The following DCT variants were observed in gnomAD, a reference collection of about 807,000 sequenced individuals.
DCT encodes the protein L-dopachrome tautomerase.
DCT carries 47 observed loss-of-function variants against 53.0 expected under a neutral mutation model. That is an observed-to-expected ratio of 0.89 (90% CI 0.70 to 1.13). The LOEUF (loss-of-function observed/expected upper bound fraction) is 1.13. Ranked by LOEUF, DCT falls within the 50% of genes most tolerant of loss-of-function variation. The pLI, the probability that DCT is intolerant of heterozygous loss-of-function variation, is 0.00. For synonymous variants in DCT, 244 were observed against 237.0 expected, an observed-to-expected ratio of 1.03 and a Z score of -0.27; for missense variants, 669 against 637.4, an observed-to-expected ratio of 1.05 and a Z score of -0.53.
chr13:94,464,647 AAAAAAACAAAAAAC>A (rs918338541), intron 4 of DCT, among the ~76,000 whole-genome samples: 2 of 151,920 alleles, frequency 1.3e-5, no homozygotes, highest in African/African-American at 2.4e-5. Flanking sequence ...TCAAAAAAAC[AAAAAAACAAAAAAC>A]AAAAAACAAA....
rs754959802 is a variant in DCT, at chr13:94,469,039, A to G, written c.302T>C (p.Phe101Ser). ...FHRTCKCTGN[F>S]AGYNCGDCKF... The stretch of plus-strand genomic sequence containing the variant: ...GCAGTCTCCACAATTATAGCCGGCA[A>G]AGTTTCCTAGTTCACAAAACAGAAA... The change falls in exon 2 of 8, where the codon TTT becomes TCT. Residue 101 changes from phenylalanine to serine, a missense_variant. Transcript: ENST00000377028. The G allele has an allele frequency of 1.2e-6, 2 of 1,611,646 alleles. No homozygotes were observed. Among genetic ancestry groups the G allele is most frequent in the Non-Finnish European group, 1.7e-6 (2 of 1,177,822 alleles).
At chr13:94,539,177 G>A in the DCT span, among the ~76,000 whole-genome samples, 3 of 152,172 alleles carry the variant, frequency 2.0e-5, no homozygotes, top group Non-Finnish European at 4.4e-5. Context: ...TTGCTATGAG[G>A]AAGAAAGCAC....
the DCT span, among the ~76,000 whole-genome samples, chr13:94,485,272 C>T: frequency 4.6e-5 from 7 of 152,012 alleles, no homozygotes; most frequent in African/African-American, 1.7e-4. Context: ...ATGACCCTGC[C>T]CTTGAGACTT....
At chr13:94,446,893 G>A (rs1364257909) in intron 6 of DCT, among the ~76,000 whole-genome samples, 1 of 152,008 alleles carries the variant, frequency 6.6e-6, no homozygotes, top group Non-Finnish European at 1.5e-5. Context: ...CACTAGATTA[G>A]GGACCTACTC....
In DCT at chr13:94,452,653, T is replaced by C. The variant is rs565452572; in HGVS notation, c.1179+7438A>G. 3.8e-4 allele frequency: 293 copies of C among 764,916 alleles called. 3 individuals are homozygous for C. The South Asian group carries it at 4.1e-3, about 11-fold the overall frequency. 47.4% of individuals were successfully genotyped at this position (764,916 alleles called of 1,614,324 possible). On this transcript the variant is annotated intron_variant, in intron 6 of 7. Coordinates refer to ENST00000377028, the MANE Select transcript of DCT (RefSeq NM_001922.5). ...GTTGTAGCATTGTAAAGCAAACGAT[T>C]AGAAATCACCTAAATGTCCATCAAC...
At chr13:94,484,787 TCTC>T in the DCT span, among the ~76,000 whole-genome samples, 1 of 152,136 alleles carries the variant, frequency 6.6e-6, no homozygotes, top group East Asian at 1.9e-4. Flanking sequence ...TTTAACTTAA[TCTC>T]CTCTGTAAAG....
chr13:94,526,907 C>T, the DCT span, among the ~76,000 whole-genome samples: 2 of 152,066 alleles, frequency 1.3e-5, no homozygotes, highest in Admixed American at 6.5e-5. Context: ...AGAAACAGTA[C>T]ACTCCTGACC....
chr13:94,489,238 G>T, the DCT span, among the ~76,000 whole-genome samples: 5 of 152,122 alleles, frequency 3.3e-5, no homozygotes, highest in Admixed American at 3.3e-4. Context: ...GAATGATGAG[G>T]ACTTGTGAGG....
the DCT span, among the ~76,000 whole-genome samples, chr13:94,487,996 A>C: frequency 6.6e-6 from 1 of 151,344 alleles, no homozygotes; most frequent in Non-Finnish European, 1.5e-5. Flanking sequence ...TTTATAGTTC[A>C]TCCTTAAGTC....
At chr13:94,483,344 A>G (rs1457255643), upstream of DCT, among the ~76,000 whole-genome samples, 1 of 152,138 alleles carries the variant, frequency 6.6e-6, no homozygotes, top group Non-Finnish European at 1.5e-5. Context: ...ATAAATGTTA[A>G]ATAAAAATTT....
chr13:94,510,202 GTC>G, the DCT span, among the ~76,000 whole-genome samples: 2 of 152,090 alleles, frequency 1.3e-5, no homozygotes, highest in African/African-American at 4.8e-5. Flanking sequence ...TCACATCAGA[GTC>G]ACTGGATGGC....
upstream of DCT, among the ~76,000 whole-genome samples, chr13:94,481,740 A>G (rs890018626): frequency 9.9e-5 from 15 of 151,950 alleles, no homozygotes; most frequent in African/African-American, 3.4e-4. Context: ...TTCCTACTGG[A>G]CCTCTCTACT....
chr13:94,461,136 T>C (rs1883759950), intron 5 of DCT, among the ~76,000 whole-genome samples: 1 of 152,210 alleles, frequency 6.6e-6, no homozygotes, highest in South Asian at 2.1e-4. Context: ...TTAAAACAGA[T>C]TGCATTTTCT....
At position 94,479,079 on chromosome 13, in the gene DCT, C is replaced by G. The variant is rs550201405; in HGVS notation, c.177G>C (p.Gly59=). The change falls in exon 1 of 8, where the codon GGG becomes GGC. Residue 59 remains glycine (G), a synonymous_variant. Coordinates refer to ENST00000377028, the MANE Select transcript of DCT (RefSeq NM_001922.5). ...ANVCGSQQGR[G]QCTEVRADTR... ...TGTCGGCTCGCACCTCTGTGCACTG[C>G]CCCCGGCCTTGCTGAGAGCCACAGA... 1 of 1,614,196 alleles carries G rather than the reference C, an allele frequency of 6.2e-7. No individual in the cohort carries two copies. The highest frequency in any genetic ancestry group is 8.5e-7 in the Non-Finnish European group (1 of 1,180,024).
chr13:94,526,063 T>G, the DCT span, among the ~76,000 whole-genome samples: 61,345 of 152,162 alleles, frequency 0.4, 13,107 homozygotes, highest in East Asian at 0.62. Flanking sequence ...ATGTGCTGTC[T>G]TCAAGGCTTT....
chr13:94,443,773 C>T lies in DCT; in HGVS notation c.1180-136G>A, dbSNP rs79782058. The T allele has an allele frequency of 0.012, 8,280 of 666,714 alleles. 520 individuals are homozygous for T. The African/African-American group carries it at 0.13, about 10-fold the overall frequency. 41.3% of individuals were successfully genotyped at this position (666,714 alleles called of 1,614,324 possible). On this transcript the variant is annotated intron_variant, in intron 6 of 7. Coordinates refer to ENST00000377028, the MANE Select transcript of DCT (RefSeq NM_001922.5). ...CTGTATACCCATGTGTGGAATACCC[C>T]CTTCTGTGTACCACCATGAGGAAGC...
At position 94,437,301 on chromosome 13, in the gene DCT, CAAT is replaced by C. The variant is rs1228333554; in HGVS notation, c.*2594_*2596del. On this transcript the variant is annotated 3_prime_UTR_variant, in exon 8 of 8. Coordinates refer to ENST00000377028, the MANE Select transcript of DCT (RefSeq NM_001922.5). ...AAAACAATAATCCTCAAAAGACAAA[CAAT>C]AATCTGCAAAACAACATTTATTTTT... 6.6e-6 allele frequency: 1 copy of C among 152,082 alleles called. No homozygotes were observed. The highest frequency in any genetic ancestry group is 1.5e-5 in the Non-Finnish European group (1 of 68,006). The allele number at this position is 152,082 out of a possible 1,614,324, so 9.4% of individuals were successfully genotyped here.
the DCT span, among the ~76,000 whole-genome samples, chr13:94,498,428 GC>G: frequency 6.6e-6 from 1 of 152,204 alleles, no homozygotes; most frequent in African/African-American, 2.4e-5. Flanking sequence ...AGGAGGTGGA[GC>G]CTTTGGGAAA....
At chr13:94,493,522 T>C in the DCT span, among the ~76,000 whole-genome samples, 574 of 152,284 alleles carry the variant, frequency 3.8e-3, 3 homozygotes, top group African/African-American at 0.013. Flanking sequence ...AGGTGAAAAG[T>C]CATCCAATGG....
Sources: allele counts gnomAD v4.1 joint callset (sites outside exome capture counted in the v4.1 genomes callset), GRCh38; gene constraint gnomAD v4.1.1; transcripts MANE v1.5; gene names NCBI Gene and HGNC (gene_info 2026-07-23, HGNC 2026-07-21).